The following MAGI2 variants were observed in gnomAD, a reference collection of about 807,000 sequenced individuals.
MAGI2 encodes the protein membrane-associated guanylate kinase, WW and PDZ domain-containing protein 2.
MAGI2 carries 35 observed loss-of-function variants against 133.3 expected under a neutral mutation model. That is an observed-to-expected ratio of 0.26 (90% CI 0.20 to 0.35). The LOEUF is 0.35. Ranked by LOEUF, MAGI2 falls within the 10% of genes least tolerant of loss-of-function variation. The pLI, the probability that MAGI2 is intolerant of heterozygous loss-of-function variation, is 1.00. For synonymous variants in MAGI2, 729 were observed against 710.6 expected, an observed-to-expected ratio of 1.03 and a Z score of -0.41; for missense variants, 1,636 against 1,863.4, an observed-to-expected ratio of 0.88 and a Z score of 2.25.
intron 1 of MAGI2, among the ~76,000 whole-genome samples, chr7:79,093,243 A>T (rs1817222529): frequency 6.6e-6 from 1 of 152,054 alleles, no homozygotes; most frequent in African/African-American, 2.4e-5. Flanking sequence ...CTAGGCTCAG[A>T]GTAACTAGCA....
chr7:79,144,447 T>C (rs1326216886), intron 1 of MAGI2, among the ~76,000 whole-genome samples: 1 of 152,152 alleles, frequency 6.6e-6, no homozygotes, highest in Non-Finnish European at 1.5e-5. Context: ...TTATTCCTGC[T>C]CCAGCCAGGT....
chr7:79,155,536 T>A (rs986328650), intron 1 of MAGI2, among the ~76,000 whole-genome samples: 1 of 152,052 alleles, frequency 6.6e-6, no homozygotes, highest in African/African-American at 2.4e-5. Context: ...CAAAAAAATT[T>A]AAGTAGGCTG....
chr7:78,417,704 G>A (rs1798427506), intron 6 of MAGI2, among the ~76,000 whole-genome samples: 1 of 152,098 alleles, frequency 6.6e-6, no homozygotes, highest in Non-Finnish European at 1.5e-5. Flanking sequence ...TATCCTGGGG[G>A]ACAGATATTA....
chr7:78,379,439 A>C (rs1044142572), intron 6 of MAGI2, among the ~76,000 whole-genome samples: 1 of 152,026 alleles, frequency 6.6e-6, no homozygotes, highest in African/African-American at 2.4e-5. Context: ...TCAAGTCAAA[A>C]GCTTTAAATA....
At chr7:78,882,755 C>T (rs560858793) in intron 2 of MAGI2, among the ~76,000 whole-genome samples, 4 of 152,054 alleles carry the variant, frequency 2.6e-5, no homozygotes, top group African/African-American at 9.6e-5. Flanking sequence ...AAAAACAACA[C>T]CCATATGTTC....
At chr7:79,417,018 C>A (rs1846581374) in intron 1 of MAGI2, among the ~76,000 whole-genome samples, 1 of 151,868 alleles carries the variant, frequency 6.6e-6, no homozygotes, top group South Asian at 2.1e-4. Context: ...AGGCATGAGC[C>A]ACCATGCCCG....
At chr7:79,045,800 AG>A in intron 1 of MAGI2, among the ~76,000 whole-genome samples, 1 of 152,310 alleles carries the variant, frequency 6.6e-6, no homozygotes, top group Non-Finnish European at 1.5e-5. Context: ...CCCCAAAAAA[AG>A]AGTGGCAGAG....
At chr7:78,192,409 C>T (rs1403253048) in intron 12 of MAGI2, among the ~76,000 whole-genome samples, 1 of 151,796 alleles carries the variant, frequency 6.6e-6, no homozygotes, top group African/African-American at 2.4e-5. Flanking sequence ...TGATGAGAAA[C>T]AGACTGAGCT....
At chr7:78,547,143 T>A (rs1798913542) in intron 3 of MAGI2, among the ~76,000 whole-genome samples, 1 of 152,182 alleles carries the variant, frequency 6.6e-6, no homozygotes, top group Non-Finnish European at 1.5e-5. Context: ...CATGACCTAT[T>A]TCTGGTCATA....
At chr7:79,324,914 A>G (rs1839571105) in intron 1 of MAGI2, among the ~76,000 whole-genome samples, 1 of 151,338 alleles carries the variant, frequency 6.6e-6, no homozygotes, top group Non-Finnish European at 1.5e-5. Flanking sequence ...CACTCAGGAT[A>G]ACTTATATAA....
chr7:78,246,824 CCTT>C (rs1265242225), intron 10 of MAGI2, among the ~76,000 whole-genome samples: 1 of 152,092 alleles, frequency 6.6e-6, no homozygotes, highest in Non-Finnish European at 1.5e-5. Flanking sequence ...CCATAGCACC[CCTT>C]CTTTTCTGGA....
At chr7:78,145,295 C>G (rs556179548) in intron 16 of MAGI2, among the ~76,000 whole-genome samples, 1 of 152,022 alleles carries the variant, frequency 6.6e-6, no homozygotes, top group African/African-American at 2.4e-5. Context: ...CTTATATTAC[C>G]TTTTCTTTTT....
chr7:79,430,991 G>A (rs1847739026), intron 1 of MAGI2, among the ~76,000 whole-genome samples: 2 of 152,276 alleles, frequency 1.3e-5, no homozygotes, highest in Middle Eastern at 3.4e-3. Context: ...TTAGCTTGAG[G>A]GAATAACCTA....
chr7:78,611,286 A>C (rs137909019), intron 3 of MAGI2, among the ~76,000 whole-genome samples: 1 of 152,156 alleles, frequency 6.6e-6, no homozygotes, highest in Admixed American at 6.5e-5. Flanking sequence ...GCCATAATCT[A>C]TCTTTCTTCT....
chr7:78,978,683 A>G (rs1440770344), intron 2 of MAGI2, among the ~76,000 whole-genome samples: 1 of 151,880 alleles, frequency 6.6e-6, no homozygotes, highest in Non-Finnish European at 1.5e-5. Flanking sequence ...ATAGGACTAT[A>G]TGCAGAATGT....
In MAGI2 at chr7:78,293,430, G is replaced by A. The variant is rs559477835; in HGVS notation, c.1409-36849C>T. On this transcript the variant is annotated intron_variant, in intron 9 of 21. Transcript: ENST00000354212. ...GAATGGCAATCATTAAAAAGTCAGGGAACAACAGGTGCTGGAGAGGATGTG... is the reference window on the plus strand; with the variant it reads ...GAATGGCAATCATTAAAAAGTCAGGAAACAACAGGTGCTGGAGAGGATGTG... Among the ~76,000 whole-genome samples the A allele has an allele frequency of 4.2e-3, 645 of 152,092 alleles. 1 individual carries two copies. The highest frequency in any genetic ancestry group is 0.015 in the African/African-American group (604 of 41,512).
chr7:79,089,923 C>T (rs1032021334), intron 1 of MAGI2, among the ~76,000 whole-genome samples: 1 of 151,912 alleles, frequency 6.6e-6, no homozygotes, highest in Non-Finnish European at 1.5e-5. Context: ...AGGAAACCAC[C>T]ATGGCACGTG....
intron 6 of MAGI2, chr7:78,456,946 C>T (rs768469717): frequency 3.3e-5 from 5 of 152,166 alleles, no homozygotes; most frequent in East Asian, 1.9e-4. Context: ...CCAATGTAAG[C>T]GTGAACACAT....
At chr7:78,122,158 T>A (rs1184772782) in intron 20 of MAGI2, among the ~76,000 whole-genome samples, 2 of 152,162 alleles carry the variant, frequency 1.3e-5, no homozygotes, top group Admixed American at 6.5e-5. Context: ...GAGAATGAAA[T>A]CATGGGAGCT....
Sources: gnomAD v4.1 joint callset for allele counts (sites outside exome capture counted in the v4.1 genomes callset) on GRCh38, gnomAD v4.1.1 for gene constraint, MANE v1.5 for transcripts, NCBI Gene and HGNC (gene_info 2026-07-23, HGNC 2026-07-21) for gene names.